Variants in CGA observed in about 807,000 individuals in gnomAD.
CGA encodes the protein glycoprotein hormones alpha chain.
A neutral mutation model predicts 12.0 loss-of-function variants in CGA; 4 were observed. The observed-to-expected ratio is 0.33, with a 90% CI of 0.16 to 0.76. The LOEUF (loss-of-function observed/expected upper bound fraction) is 0.76, where lower values mean the gene tolerates loss of function less well. CGA is among the 30% of genes least tolerant of loss of function. The pLI is 0.60. For synonymous variants in CGA, 60 were observed against 56.6 expected, an observed-to-expected ratio of 1.06 and a Z score of -0.27; for missense variants, 102 against 143.5, an observed-to-expected ratio of 0.71 and a Z score of 1.48.
chr6:87,091,145 C>G (rs1161745888), intron 1 of CGA, among the ~76,000 whole-genome samples: 1 of 152,046 alleles, frequency 6.6e-6, no homozygotes, highest in Non-Finnish European at 1.5e-5. Context: ...AGAATTAATT[C>G]AGAGAGAAAC....
intron 1 of CGA, 84 bp from the exon 2 acceptor site, chr6:87,088,291 T>C: frequency 1.4e-6 from 1 of 710,596 alleles, no homozygotes; most frequent in African/African-American, 1.8e-5. Context: ...AACCAGTAGT[T>C]TCAACATTAC....
intron 2 of CGA, chr6:87,086,659 A>AACAAG: frequency 2.1e-6 from 1 of 472,082 alleles, no homozygotes; most frequent in Non-Finnish European, 3.8e-6. Context: ...GATGGTGCAC[A>AACAAG]CCTGTAGTCC....
intron 1 of CGA, among the ~76,000 whole-genome samples, chr6:87,092,755 T>C (rs1769464864): frequency 7.0e-6 from 1 of 143,418 alleles, no homozygotes; most frequent in Non-Finnish European, 1.5e-5. Context: ...TTTTTTTTTT[T>C]TTTTTTTTTT....
intron 1 of CGA, among the ~76,000 whole-genome samples, chr6:87,092,742 CTTTT>C (rs35436814): frequency 5.4e-4 from 42 of 78,036 alleles, no homozygotes; most frequent in African/African-American, 1.6e-3. Context: ...CATTAGCTTT[CTTTT>C]TTTTTTTTTT....
chr6:87,086,081 G>A (rs557087318), intron 3 of CGA, 169 bp downstream of exon 3: 9 of 679,472 alleles, frequency 1.3e-5, no homozygotes, highest in Non-Finnish European at 5.0e-6. Context: ...ATACCCACAA[G>A]ACAATTGACT....
At chr6:87,087,010 C>T (rs1489656549) in intron 2 of CGA, among the ~76,000 whole-genome samples, 4 of 150,708 alleles carry the variant, frequency 2.7e-5, no homozygotes, top group Non-Finnish European at 4.4e-5. Flanking sequence ...ACCCGGAAGG[C>T]GGAGGTTGCA....
At chr6:87,091,092 T>C (rs560690929) in intron 1 of CGA, among the ~76,000 whole-genome samples, 1 of 152,330 alleles carries the variant, frequency 6.6e-6, no homozygotes, top group South Asian at 2.1e-4. Flanking sequence ...TTGCAGCTCA[T>C]ATATTATGAA....
intron 1 of CGA, among the ~76,000 whole-genome samples, chr6:87,094,597 C>T (rs1207281104): frequency 2.0e-5 from 3 of 152,158 alleles, no homozygotes; most frequent in South Asian, 2.1e-4. Context: ...AACAAGTGAA[C>T]CACTTTATCA....
At chr6:87,090,823 T>C (rs933974193) in intron 1 of CGA, among the ~76,000 whole-genome samples, 1 of 135,858 alleles carries the variant, frequency 7.4e-6, no homozygotes, top group Admixed American at 7.7e-5. Flanking sequence ...TTTTTTTGTA[T>C]TTTTAGTAGA....
At chr6:87,087,793 G>A (rs1769351596) in intron 2 of CGA, 1 of 178,758 alleles carries the variant, frequency 5.6e-6, no homozygotes, top group Non-Finnish European at 1.2e-5. Context: ...AAATCTGCCG[G>A]GAGAAATGTA....
At chr6:87,094,174 G>A (rs1769491959) in intron 1 of CGA, among the ~76,000 whole-genome samples, 1 of 152,194 alleles carries the variant, frequency 6.6e-6, no homozygotes, top group African/African-American at 2.4e-5. Context: ...CTACAGAGAT[G>A]AAAGGGAGCT....
chr6:87,088,848 T>A (rs544435409), intron 1 of CGA: 9 of 152,318 alleles, frequency 5.9e-5, no homozygotes, highest in Admixed American at 4.6e-4. Context: ...CAGTTTCTGA[T>A]AAAACTAAAC....
At chr6:87,090,804 ATTT>A (rs71014987) in intron 1 of CGA, among the ~76,000 whole-genome samples, 1 of 140,408 alleles carries the variant, frequency 7.1e-6, no homozygotes, top group Non-Finnish European at 1.5e-5. Context: ...CGCTTGGCTA[ATTT>A]TTTTTTTTTT....
chr6:87,093,459 A>G (rs146694274), intron 1 of CGA, among the ~76,000 whole-genome samples: 4 of 152,364 alleles, frequency 2.6e-5, no homozygotes, highest in Non-Finnish European at 5.9e-5. Context: ...TTTGTGCAAC[A>G]TTACAATGGC....
chr6:87,093,415 C>G (rs181149688), intron 1 of CGA, among the ~76,000 whole-genome samples: 11 of 152,316 alleles, frequency 7.2e-5, no homozygotes, highest in African/African-American at 2.2e-4. Context: ...AATGTTATCT[C>G]TAAGCCTGGT....
At chr6:87,085,918 T>C (rs1374761098) in intron 3 of CGA, 85 bp from the exon 4 acceptor site, 4 of 956,410 alleles carry the variant, frequency 4.2e-6, no homozygotes, top group Non-Finnish European at 5.0e-6. Flanking sequence ...TTACATAAAA[T>C]TGTTTGCATT....
intron 1 of CGA, among the ~76,000 whole-genome samples, chr6:87,094,515 T>G (rs535154372): frequency 6.6e-6 from 1 of 152,324 alleles, no homozygotes; most frequent in Admixed American, 6.5e-5. Flanking sequence ...TTCAAGAAAT[T>G]CCATGCTACT....
intron 1 of CGA, among the ~76,000 whole-genome samples, chr6:87,090,939 A>T (rs1393574311): frequency 6.6e-6 from 1 of 151,306 alleles, no homozygotes; most frequent in Non-Finnish European, 1.5e-5. Flanking sequence ...AGCCACCATG[A>T]CCAGCCTGGG....
Position 87,086,317 on chromosome 6 carries a change from T to A in CGA, c.206A>T (p.Lys69Met). 6.2e-7 allele frequency: 1 copy of A among 1,614,134 alleles called. No individual in the cohort carries two copies. Among genetic ancestry groups the A allele is most frequent in the East Asian group, 2.2e-5 (1 of 44,892 alleles). The change falls in exon 3 of 4, where the codon AAG becomes ATG. Residue 69 changes from lysine to methionine, a missense_variant. Physicochemically the swap from Lys to Met is moderately conservative, Grantham distance 95. Coordinates refer to ENST00000627148, the MANE Select transcript of CGA (RefSeq NM_000735.4). ...GACGTTCTTTTGGACCAACATCGTC[T>A]TCTTGGACCTTAGTGGAGTGGGATA... Reference protein sequence around the residue: ...RAYPTPLRSKKTMLVQKNVTS... With the variant: ...RAYPTPLRSKMTMLVQKNVTS...
Sources: allele counts gnomAD v4.1 joint callset (sites outside exome capture counted in the v4.1 genomes callset), GRCh38; gene constraint gnomAD v4.1.1; transcripts MANE v1.5; gene names NCBI Gene and HGNC (gene_info 2026-07-23, HGNC 2026-07-21).